Variants in MTMR9 observed in about 807,000 individuals in gnomAD.
MTMR9 encodes the protein myotubularin-related protein 9.
In MTMR9, 39 loss-of-function variants were observed where a neutral mutation model predicts 69.5. The ratio of observed to expected loss-of-function variants is 0.56; its 90% CI spans 0.43 to 0.73. The LOEUF (loss-of-function observed/expected upper bound fraction) is 0.73. Among genes scored for constraint, MTMR9 ranks in the 30% least tolerant of loss-of-function variants. MTMR9 has a pLI of 0.00. For synonymous variants in MTMR9, 354 were observed against 240.8 expected (o/e 1.47, Z -4.35); for missense variants, 900 against 671.2 (o/e 1.34, Z -3.77).
chr8:11,310,343 T>A (rs994280249), intron 6 of MTMR9, among the ~76,000 whole-genome samples: 4 of 152,214 alleles, frequency 2.6e-5, no homozygotes, highest in Admixed American at 2.0e-4. Context: ...ATGCCGTTTC[T>A]AAGAAGGGGA....
chr8:11,304,869 A>G lies in MTMR9; in HGVS notation c.446A>G (p.Asn149Ser). The G allele has an allele frequency of 1.2e-6, 2 of 1,614,098 alleles. No homozygotes were observed. Among genetic ancestry groups the G allele is most frequent in the South Asian group, 1.1e-5 (1 of 91,074 alleles). ...AGTGAATGGAGGCTAAGCTATGTCAATAAGGAATTTGCTGTCTGTCCCTCT... is the reference window on the plus strand; with the variant it reads ...AGTGAATGGAGGCTAAGCTATGTCAGTAAGGAATTTGCTGTCTGTCCCTCT... ...ATSEWRLSYV[N>S]KEFAVCPSYP... Residue 149 changes from asparagine (N) to serine (S), a missense_variant, in exon 4 of 10, where the codon AAT becomes AGT. By Grantham distance (46) the Asn-to-Ser change is conservative. Transcript: ENST00000221086.
chr8:11,306,331 A>C lies in MTMR9; in HGVS notation c.733A>C (p.Thr245Pro). 1.9e-6 allele frequency: 3 copies of C among 1,614,082 alleles called. No homozygotes were observed. Among genetic ancestry groups the C allele is most frequent in the Non-Finnish European group, 2.5e-6 (3 of 1,179,968 alleles). ...DTRSLNVAQQTRAKGGGFEQE... is the reference protein window; with the variant it reads ...DTRSLNVAQQPRAKGGGFEQE... ...CCGATCCCTGAACGTGGCTCAGCAAACTAGAGCCAAAGGAGGTGGCTTTGA... is the reference window on the plus strand; with the variant it reads ...CCGATCCCTGAACGTGGCTCAGCAACCTAGAGCCAAAGGAGGTGGCTTTGA... The change falls in exon 5 of 10, where the codon ACT becomes CCT. Residue 245 changes from threonine (T) to proline (P), a missense_variant. Coordinates refer to ENST00000221086, the MANE Select transcript of MTMR9 (RefSeq NM_015458.4).
At position 11,324,079 on chromosome 8, in the gene MTMR9, G is replaced by A. The variant is rs1800814598; in HGVS notation, c.*1291G>A. ...GACCGAGTCTAGTTTTTCTTTAAAA[G>A]GATAGTTTATGAGTAATCTTTAAAA... On this transcript the variant is annotated 3_prime_UTR_variant, in exon 10 of 10. Coordinates refer to ENST00000221086, the MANE Select transcript of MTMR9 (RefSeq NM_015458.4). 6.6e-6 allele frequency: 1 copy of A among 152,112 alleles called. No homozygotes were observed. Among genetic ancestry groups the A allele is most frequent in the Non-Finnish European group, 1.5e-5 (1 of 68,024 alleles). The allele number at this position is 152,112 out of a possible 1,614,324, so 9.4% of individuals were successfully genotyped here. A position where few individuals can be genotyped will look rare whatever the true frequency, so the allele number is the denominator to read the frequency against.
chr8:11,310,520 G>A (rs767533426), intron 6 of MTMR9, among the ~76,000 whole-genome samples: 3 of 152,278 alleles, frequency 2.0e-5, no homozygotes, highest in Admixed American at 6.5e-5. Context: ...CTGAAATCAT[G>A]TGGTAAGTTA....
chr8:11,298,720 A>ACCCCCC (rs1554501121), intron 2 of MTMR9: 55 of 727,894 alleles, frequency 7.6e-5, no homozygotes, highest in African/African-American at 5.4e-4. Flanking sequence ...TCCCCGCTGC[A>ACCCCCC]CCCCCCCCCC....
the MTMR9 span, among the ~76,000 whole-genome samples, chr8:11,338,306 T>C: frequency 6.6e-6 from 1 of 152,114 alleles, no homozygotes; most frequent in Non-Finnish European, 1.5e-5. Context: ...TTCTCCGGAG[T>C]GTCCAGAGGT....
At chr8:11,331,512 G>A (rs139403351), downstream of MTMR9, 1 of 1,613,918 alleles carries the variant, frequency 6.2e-7, no homozygotes, top group Non-Finnish European at 8.5e-7. Flanking sequence ...TGTTCGCAAA[G>A]GTTCTTCCAC....
At chr8:11,336,456 A>T in the MTMR9 span, among the ~76,000 whole-genome samples, 1 of 152,178 alleles carries the variant, frequency 6.6e-6, no homozygotes, top group East Asian at 1.9e-4. Context: ...CCGAAATATA[A>T]AATCTTCACA....
chr8:11,316,693 G>A lies in MTMR9; in HGVS notation c.1134G>A (p.Gln378=). 1 of 1,609,300 alleles carries A rather than the reference G, an allele frequency of 6.2e-7. No individual in the cohort carries two copies. The highest frequency in any genetic ancestry group is 8.5e-7 in the Non-Finnish European group (1 of 1,177,886). The part of the protein sequence containing the change: ...EWLQAGHPFQ[Q]RCAQSAYCNT... ...CCTAGGCTGGTCACCCATTCCAGCAGCGCTGTGCACAGTCAGCCTACTGTA... is the reference window on the plus strand; with the variant it reads ...CCTAGGCTGGTCACCCATTCCAGCAACGCTGTGCACAGTCAGCCTACTGTA... The change falls in exon 8 of 10, where the codon CAG becomes CAA. Residue 378 remains glutamine, a synonymous_variant. Coordinates refer to ENST00000221086, the MANE Select transcript of MTMR9 (RefSeq NM_015458.4).
At chr8:11,303,484 AC>A (rs1799826525) in intron 3 of MTMR9, among the ~76,000 whole-genome samples, 1 of 152,110 alleles carries the variant, frequency 6.6e-6, no homozygotes, top group African/African-American at 2.4e-5. Flanking sequence ...ACAGATAACT[AC>A]ATTTTTTTAA....
chr8:11,306,293 A>G lies in MTMR9; in HGVS notation c.695A>G (p.Tyr232Cys). ...NATLRAGKRG[Y>C]IIDTRSLNVA... is the part of the protein sequence containing the mutation. ...ACCCTCAGGGCTGGAAAGCGTGGCT[A>G]CATCATTGACACCCGATCCCTGAAC... Residue 232 changes from tyrosine to cysteine, a missense_variant, in exon 5 of 10, where the codon TAC becomes TGC. Physicochemically the swap from Tyr to Cys is radical, Grantham distance 194 (BLOSUM62 -2). Transcript: ENST00000221086. The G allele has an allele frequency of 1.9e-6, 3 of 1,614,082 alleles. No individual in the cohort carries two copies. Among genetic ancestry groups the G allele is most frequent in the Non-Finnish European group, 2.5e-6 (3 of 1,179,954 alleles).
intron 2 of MTMR9, among the ~76,000 whole-genome samples, chr8:11,299,625 T>C (rs1408584782): frequency 6.6e-6 from 1 of 152,210 alleles, no homozygotes; most frequent in Non-Finnish European, 1.5e-5. Context: ...CATAAGTTTA[T>C]TTAGGTAATA....
intron 1 of MTMR9, among the ~76,000 whole-genome samples, chr8:11,291,369 A>C (rs960873837): frequency 4.6e-5 from 7 of 152,132 alleles, no homozygotes; most frequent in Admixed American, 4.6e-4. Context: ...AGACCATTAT[A>C]AGAAATAAAC....
chr8:11,339,088 C>G, the MTMR9 span, among the ~76,000 whole-genome samples: 1 of 152,192 alleles, frequency 6.6e-6, no homozygotes, highest in Non-Finnish European at 1.5e-5. Flanking sequence ...GCACCATTCT[C>G]CAGGACTAAA....
rs917895252 is a variant in MTMR9 at position 11,326,266 on chromosome 8, G to C, written c.*3478G>C. 6.6e-6 allele frequency: 1 copy of C among 151,564 alleles called. No homozygotes were observed. The highest frequency in any genetic ancestry group is 2.4e-5 in the African/African-American group (1 of 41,332). The allele number at this position is 151,564 out of a possible 1,614,324, so 9.4% of individuals were successfully genotyped here. On this transcript the variant is annotated 3_prime_UTR_variant, in exon 10 of 10. Coordinates refer to ENST00000221086, the MANE Select transcript of MTMR9 (RefSeq NM_015458.4). ...AGGTCATCAGGTTCACTTATTATCC[G>C]ACCTTAATCTGGGATAAAGGTTTTG...
At chr8:11,332,638 G>C (rs1035345469), downstream of MTMR9, among the ~76,000 whole-genome samples, 7 of 151,194 alleles carry the variant, frequency 4.6e-5, no homozygotes, top group Admixed American at 2.0e-4. Flanking sequence ...ATCTTGCTCT[G>C]TCACACAGGC....
At chr8:11,286,866 G>T (rs1198013277) in intron 1 of MTMR9, among the ~76,000 whole-genome samples, 2 of 151,918 alleles carry the variant, frequency 1.3e-5, no homozygotes, top group East Asian at 3.9e-4. Flanking sequence ...TACTGGTGCT[G>T]GTATATGTCC....
intron 5 of MTMR9, among the ~76,000 whole-genome samples, chr8:11,307,769 G>C (rs929214210): frequency 6.6e-6 from 1 of 151,904 alleles, no homozygotes; most frequent in African/African-American, 2.4e-5. Flanking sequence ...ATCTCATTGT[G>C]GTTTTGAATT....
At chr8:11,321,313 G>A in intron 9 of MTMR9, 2 of 431,656 alleles carry the variant, frequency 4.6e-6, no homozygotes, top group South Asian at 3.3e-5. Context: ...GTCACAGTCA[G>A]TACAGGGTTC....
Sources: gnomAD v4.1 joint callset for allele counts (sites outside exome capture counted in the v4.1 genomes callset) on GRCh38, gnomAD v4.1.1 for gene constraint, MANE v1.5 for transcripts, NCBI Gene and HGNC (gene_info 2026-07-23, HGNC 2026-07-21) for gene names.